Variants in NDUFAF6 observed in about 807,000 individuals in gnomAD.
NDUFAF6 encodes the protein NADH dehydrogenase (ubiquinone) complex I, assembly factor 6.
NDUFAF6 carries 45 observed loss-of-function variants against 40.8 expected under a neutral mutation model. The observed-to-expected ratio is 1.10, with a 90% CI of 0.87 to 1.42. NDUFAF6 has a LOEUF of 1.42. Ranked by LOEUF, NDUFAF6 falls within the 40% of genes most tolerant of loss-of-function variation. The probability of loss-of-function intolerance (pLI) is 0.00; values close to 1 mark genes in which losing one functional copy is unlikely to be tolerated. For synonymous variants in NDUFAF6, 185 were observed against 155.9 expected, an observed-to-expected ratio of 1.19 and a Z score of -1.39; for missense variants, 435 against 418.5, an observed-to-expected ratio of 1.04 and a Z score of -0.34.
chr8:95,034,248 A>G (rs759438948), intron 2 of NDUFAF6: 15 of 353,400 alleles, frequency 4.2e-5, no homozygotes, highest in Non-Finnish European at 6.8e-5. Context: ...TAACTTGACT[A>G]TATCATGACC....
At chr8:95,104,434 C>G (rs893719080), downstream of NDUFAF6, among the ~76,000 whole-genome samples, 1 of 152,182 alleles carries the variant, frequency 6.6e-6, no homozygotes, top group Admixed American at 6.5e-5. Context: ...GGTCCCTGTA[C>G]GCATTTACAT....
chr8:94,997,343 C>CAGAGAG (rs60911286), intron 2 of NDUFAF6, among the ~76,000 whole-genome samples: 931 of 90,516 alleles, frequency 0.01, 33 homozygotes, highest in South Asian at 0.029. Flanking sequence ...CACACACACA[C>CAGAGAG]AGAGAGAGAG....
At chr8:95,069,826 T>A (rs1010351151) in intron 9 of NDUFAF6, among the ~76,000 whole-genome samples, 19 of 145,184 alleles carry the variant, frequency 1.3e-4, no homozygotes, top group Admixed American at 3.5e-4. Flanking sequence ...TATATATATA[T>A]AATATATATG....
At chr8:94,962,947 C>T (rs1411304143) in intron 1 of NDUFAF6, among the ~76,000 whole-genome samples, 10 of 151,912 alleles carry the variant, frequency 6.6e-5, no homozygotes, top group East Asian at 1.9e-4. Context: ...CCCACCATCA[C>T]GCCCATCTAA....
chr8:95,082,512 C>T (rs1808903123), intron 2 of NDUFAF6, among the ~76,000 whole-genome samples: 1 of 130,036 alleles, frequency 7.7e-6, no homozygotes, highest in South Asian at 2.3e-4. Context: ...GATTTCCAAA[C>T]AGATACCTAG....
chr8:95,059,749 C>T (rs1011999460), downstream of NDUFAF6, among the ~76,000 whole-genome samples: 9 of 151,524 alleles, frequency 5.9e-5, no homozygotes, highest in East Asian at 5.8e-4. Flanking sequence ...CTCGGGAGGC[C>T]GAGGCAGGAG....
intron 2 of NDUFAF6, chr8:94,950,388 C>T (rs1402817359): frequency 6.6e-6 from 1 of 152,330 alleles, no homozygotes; most frequent in Non-Finnish European, 1.5e-5. Context: ...TATCAGCTCT[C>T]ATGTGGATAC....
At chr8:94,945,549 G>C (rs1350065950) in exon 2 of NDUFAF6, 1 of 152,210 alleles carries the variant, frequency 6.6e-6, no homozygotes, top group Non-Finnish European at 1.5e-5. Flanking sequence ...TCCCTGCCCA[G>C]TCACTGCTAC....
intron 9 of NDUFAF6, among the ~76,000 whole-genome samples, chr8:95,074,694 TG>T (rs1221673660): frequency 2.0e-5 from 3 of 152,220 alleles, no homozygotes; most frequent in African/African-American, 7.2e-5. Flanking sequence ...CCAAGTTCTG[TG>T]GATTCCTTGT....
intron 2 of NDUFAF6, among the ~76,000 whole-genome samples, chr8:94,986,672 A>G (rs1003066362): frequency 4.6e-5 from 7 of 152,246 alleles, no homozygotes; most frequent in African/African-American, 1.7e-4. Flanking sequence ...AGGGTCCTCA[A>G]AGATGAGGAA....
downstream of NDUFAF6, among the ~76,000 whole-genome samples, chr8:95,062,768 T>C (rs1213441046): frequency 6.6e-6 from 1 of 152,220 alleles, no homozygotes. Flanking sequence ...ATTACTTGAG[T>C]GTAAGACAAT....
rs944083819 is a variant in NDUFAF6 at position 95,041,477 on chromosome 8, C to CT, written c.421-91dup. The CT allele has an allele frequency of 3.5e-6, 3 of 846,464 alleles. No individual in the cohort carries two copies. In the African/African-American group the frequency reaches 5.0e-5, roughly 14 times the overall value. 52.4% of individuals were successfully genotyped at this position (846,464 alleles called of 1,614,324 possible). On this transcript the variant is annotated intron_variant, in intron 3 of 8. Coordinates refer to ENST00000396124, the MANE Select transcript of NDUFAF6 (RefSeq NM_152416.4). ...TGATGTTATTACAAATGTTCCCTTA[C>CT]TTAGTTTTGTATTTGGTTTGTTCAT...
At chr8:95,053,952 T>TG (rs1554681591) in intron 8 of NDUFAF6, among the ~76,000 whole-genome samples, 11 of 137,004 alleles carry the variant, frequency 8.0e-5, no homozygotes, top group African/African-American at 3.3e-4. Context: ...TTTTTTTTTT[T>TG]GAGACAAAAT....
chr8:94,986,880 A>G (rs1336519394), intron 2 of NDUFAF6, among the ~76,000 whole-genome samples: 1 of 152,218 alleles, frequency 6.6e-6, no homozygotes, highest in Non-Finnish European at 1.5e-5. Flanking sequence ...CACTGTATAT[A>G]TTTAAAAATT....
chr8:95,071,206 C>T (rs1002783869), intron 9 of NDUFAF6, among the ~76,000 whole-genome samples: 5 of 147,484 alleles, frequency 3.4e-5, no homozygotes, highest in East Asian at 4.0e-4. Flanking sequence ...CTGGCTAACA[C>T]GGTGAAAACC....
chr8:94,898,452 A>G (rs1188637202), intron 1 of NDUFAF6, among the ~76,000 whole-genome samples: 1 of 152,196 alleles, frequency 6.6e-6, no homozygotes, highest in East Asian at 1.9e-4. Flanking sequence ...GAATTCCGGT[A>G]GACGAGTTGA....
At chr8:95,077,510 C>A (rs541362486), downstream of NDUFAF6, among the ~76,000 whole-genome samples, 2 of 152,136 alleles carry the variant, frequency 1.3e-5, no homozygotes, top group Admixed American at 6.5e-5. Context: ...GATTCATGTC[C>A]CAGGTAGGAC....
chr8:94,943,706 G>A (rs768549881), intron 1 of NDUFAF6, among the ~76,000 whole-genome samples: 2 of 152,204 alleles, frequency 1.3e-5, no homozygotes, highest in Non-Finnish European at 2.9e-5. Context: ...TGCTACAGTT[G>A]TTTGGCACAC....
chr8:95,058,121 C>T lies in NDUFAF6; in HGVS notation c.*184C>T. On this transcript the variant is annotated 3_prime_UTR_variant, in exon 9 of 9. Transcript: ENST00000396124. ...GGTGCCAAGACTGCTGAGATTCTGG[C>T]AGAGGCACTGCCATTGGCACCCCTG... 1.4e-6 allele frequency: 2 copies of T among 1,446,122 alleles called. No homozygotes were observed. The highest frequency in any genetic ancestry group is 2.5e-4 in the Middle Eastern group (1 of 3,934). The allele number at this position is 1,446,122 out of a possible 1,614,324, so 89.6% of individuals were successfully genotyped here.
Sources: gnomAD v4.1 joint callset for allele counts (sites outside exome capture counted in the v4.1 genomes callset) on GRCh38, gnomAD v4.1.1 for gene constraint, MANE v1.5 for transcripts, NCBI Gene and HGNC (gene_info 2026-07-23, HGNC 2026-07-21) for gene names.